Variants in DST observed in about 807,000 individuals in gnomAD.
The protein encoded by DST is bullous pemphigoid antigen.
In DST, 253 loss-of-function variants were observed where a neutral mutation model predicts 875.2. The observed-to-expected ratio is 0.29, with a 90% CI of 0.26 to 0.32. The LOEUF (loss-of-function observed/expected upper bound fraction) is 0.32. DST is among the 10% of genes least tolerant of loss of function. DST has a pLI of 1.00. For missense variants in DST, 8,287 were observed against 9,111.6 expected (o/e 0.91, Z 3.68); for synonymous variants, 3,124 against 3,197.1 (o/e 0.98, Z 0.77).
At chr6:56,543,087 G>T (rs2097164739) in intron 61 of DST, among the ~76,000 whole-genome samples, 1 of 152,208 alleles carries the variant, frequency 6.6e-6, no homozygotes, top group African/African-American at 2.4e-5. Flanking sequence ...GAGGGGATCC[G>T]TAGGGCTTGC....
chr6:56,811,183 C>CAAAAAAAA (rs371256050), intron 4 of DST, among the ~76,000 whole-genome samples: 1 of 33,328 alleles, frequency 3.0e-5, no homozygotes, highest in African/African-American at 1.2e-4. Flanking sequence ...GACCCTGTCT[C>CAAAAAAAA]AAAAAAAAAA....
chr6:56,633,272 G>C (rs537990120), intron 27 of DST, among the ~76,000 whole-genome samples: 5 of 144,432 alleles, frequency 3.5e-5, no homozygotes, highest in African/African-American at 1.4e-4. Flanking sequence ...TGTCGCCCAG[G>C]CTGGAGTGCA....
At chr6:56,635,352 C>G (rs1007844523) in intron 24 of DST, among the ~76,000 whole-genome samples, 3 of 151,844 alleles carry the variant, frequency 2.0e-5, no homozygotes, top group Non-Finnish European at 2.9e-5. Flanking sequence ...TAAACACACA[C>G]GTGCACACAC....
chr6:56,767,438 G>A (rs1419819359), intron 4 of DST, among the ~76,000 whole-genome samples: 3 of 151,896 alleles, frequency 2.0e-5, no homozygotes, highest in Admixed American at 6.6e-5. Flanking sequence ...CCAACATGGC[G>A]AAATCCCATC....
intron 9 of DST, among the ~76,000 whole-genome samples, chr6:56,684,340 AGT>A: frequency 6.6e-6 from 1 of 152,370 alleles, no homozygotes; most frequent in South Asian, 2.1e-4. Flanking sequence ...TATAATTTAA[AGT>A]GTTATCAAAT....
At chr6:56,753,247 A>G (rs2099593148) in intron 4 of DST, among the ~76,000 whole-genome samples, 3 of 152,222 alleles carry the variant, frequency 2.0e-5, no homozygotes, top group Admixed American at 2.0e-4. Context: ...ACTAGAATAA[A>G]ACACCTACAA....
intron 77 of DST, among the ~76,000 whole-genome samples, chr6:56,505,317 C>T (rs922192996): frequency 2.6e-5 from 4 of 152,180 alleles, no homozygotes; most frequent in East Asian, 1.9e-4. Flanking sequence ...TGGTGGCTTG[C>T]GTGTGACCTC....
chr6:56,590,090 A>G (rs2098243174), intron 49 of DST, among the ~76,000 whole-genome samples: 1 of 152,224 alleles, frequency 6.6e-6, no homozygotes, highest in Non-Finnish European at 1.5e-5. Context: ...TATGTGCATT[A>G]TCAGCAACAA....
At chr6:56,712,966 T>C (rs79722821) in intron 5 of DST, among the ~76,000 whole-genome samples, 2,931 of 152,306 alleles carry the variant, frequency 0.019, 78 homozygotes, top group African/African-American at 0.061. Flanking sequence ...AGTAAAAGCA[T>C]TCTGTCTTTG....
chr6:56,604,730 T>G lies in DST; in HGVS notation c.9898A>C (p.Asn3300His). 6.2e-7 allele frequency: 1 copy of G among 1,612,652 alleles called. No individual in the cohort carries two copies. Among genetic ancestry groups the G allele is most frequent in the Non-Finnish European group, 8.5e-7 (1 of 1,179,172 alleles). ...QSERCANGLG[N>H]DNSSNTLNTD... ...TTTAAAGTGTTACTGGAGTTATCAT[T>G]TCCTAATCCATTTGCACACCGCTCC... Residue 3300 changes from asparagine to histidine, a missense_variant, in exon 40 of 104, where the codon AAT (asparagine) becomes CAT (histidine). Transcript: ENST00000680361.
chr6:56,598,446 C>A, intron 46 of DST, 30 bp downstream of exon 46: 2 of 1,341,710 alleles, frequency 1.5e-6, no homozygotes, highest in South Asian at 3.4e-5. Flanking sequence ...TTTGACATAG[C>A]AATAGTGCAC....
intron 9 of DST, among the ~76,000 whole-genome samples, chr6:56,688,695 C>G (rs1206819787): frequency 1.3e-5 from 2 of 152,174 alleles, no homozygotes; most frequent in Non-Finnish European, 1.5e-5. Context: ...TAAACTTATT[C>G]CTGATCATCA....
chr6:56,784,134 C>G (rs1433071686), intron 4 of DST, among the ~76,000 whole-genome samples: 2 of 152,122 alleles, frequency 1.3e-5, no homozygotes, highest in Non-Finnish European at 2.9e-5. Context: ...GTAACTTGAC[C>G]TTTCTCTCTG....
intron 4 of DST, among the ~76,000 whole-genome samples, chr6:56,762,054 CT>C (rs1422417417): frequency 5.3e-5 from 8 of 151,686 alleles, no homozygotes; most frequent in African/African-American, 1.9e-4. Flanking sequence ...GAGTTTTGCT[CT>C]TGTTGTCTAG....
At chr6:56,690,838 G>GTGTCC (rs777256771) in intron 9 of DST, among the ~76,000 whole-genome samples, 6 of 152,168 alleles carry the variant, frequency 3.9e-5, no homozygotes, top group Non-Finnish European at 8.8e-5. Context: ...CACCTCCAAG[G>GTGTCC]TAACAGGAAG....
chr6:56,776,570 C>A (rs2099679668), intron 4 of DST, among the ~76,000 whole-genome samples: 1 of 152,110 alleles, frequency 6.6e-6, no homozygotes, highest in African/African-American at 2.4e-5. Flanking sequence ...GATCTAAAAT[C>A]TATCCTAAAT....
In DST at chr6:56,487,157, C is replaced by G; in HGVS notation, c.20994G>C (p.Met6998Ile). Reference sequence around the variant, plus strand: ...CCCATTTGTCTCTGAGTTCACTCAGCATGTCATCCAGTTTCAGGTTGTCAT... The same window carrying G: ...CCCATTTGTCTCTGAGTTCACTCAGGATGTCATCCAGTTTCAGGTTGTCAT... ...LADDNLKLDD[M>I]LSELRDKWDT... The change falls in exon 87 of 104, where the codon ATG becomes ATC. Residue 6998 changes from methionine (M) to isoleucine (I), a missense_variant. Physicochemically the swap from Met to Ile is conservative, Grantham distance 10. Coordinates refer to ENST00000680361, the MANE Select transcript of DST (RefSeq NM_001374736.1). 1 of 1,613,974 alleles carries G rather than the reference C, an allele frequency of 6.2e-7. No individual in the cohort carries two copies. The highest frequency in any genetic ancestry group is 8.5e-7 in the Non-Finnish European group (1 of 1,179,848).
At chr6:56,461,021 A>T (rs1243925835) in intron 102 of DST, 9 of 152,230 alleles carry the variant, frequency 5.9e-5, no homozygotes, top group Admixed American at 5.9e-4. Flanking sequence ...GTTAAAAAAA[A>T]TAAACAAGTA....
chr6:56,845,665 C>T (rs2099806467), intron 4 of DST, among the ~76,000 whole-genome samples: 1 of 152,230 alleles, frequency 6.6e-6, no homozygotes, highest in Admixed American at 6.5e-5. Context: ...CATTCATTTA[C>T]AGACCACACA....
Sources: allele counts gnomAD v4.1 joint callset (sites outside exome capture counted in the v4.1 genomes callset), GRCh38; gene constraint gnomAD v4.1.1; transcripts MANE v1.5; gene names NCBI Gene and HGNC (gene_info 2026-07-23, HGNC 2026-07-21).